Variants in KCNQ5 observed in about 807,000 individuals in gnomAD.
KCNQ5 encodes potassium voltage-gated channel subfamily KQT member 5.
Under a neutral mutation model 98.2 loss-of-function variants are expected in KCNQ5, and 30 were observed. The ratio of observed to expected loss-of-function variants is 0.31; its 90% confidence interval spans 0.23 to 0.41. KCNQ5 has a LOEUF of 0.41. Ranked by LOEUF, KCNQ5 falls within the 10% of genes least tolerant of loss-of-function variation. The pLI is 1.00. For missense variants in KCNQ5, 835 were observed against 1,182.5 expected, an observed-to-expected ratio of 0.71 and a Z score of 4.31; for synonymous variants, 458 against 449.4, an observed-to-expected ratio of 1.02 and a Z score of -0.24.
chr6:72,876,513 G>A (rs1373887750), intron 1 of KCNQ5, among the ~76,000 whole-genome samples: 1 of 152,076 alleles, frequency 6.6e-6, no homozygotes, highest in Non-Finnish European at 1.5e-5. Context: ...AGATTGCCTT[G>A]AGCATCTAAA....
chr6:72,999,396 T>C (rs1769457312), intron 1 of KCNQ5, among the ~76,000 whole-genome samples: 1 of 152,192 alleles, frequency 6.6e-6, no homozygotes, highest in Admixed American at 6.5e-5. Flanking sequence ...ATGAATTTCC[T>C]CAGAAACAAA....
chr6:72,879,487 G>A (rs1778556600), intron 1 of KCNQ5, among the ~76,000 whole-genome samples: 1 of 151,950 alleles, frequency 6.6e-6, no homozygotes, highest in South Asian at 2.1e-4. Flanking sequence ...TTTCCTAAAT[G>A]ATGTTTCATA....
chr6:72,763,236 C>A (rs59811652), intron 1 of KCNQ5, among the ~76,000 whole-genome samples: 107 of 151,922 alleles, frequency 7.0e-4, no homozygotes, highest in African/African-American at 2.5e-3. Context: ...TATTAACAAG[C>A]CTTACATTAA....
At chr6:72,640,548 T>C (rs1340206295) in intron 1 of KCNQ5, among the ~76,000 whole-genome samples, 3 of 152,168 alleles carry the variant, frequency 2.0e-5, no homozygotes, top group Non-Finnish European at 4.4e-5. Flanking sequence ...TGTGTACAAG[T>C]TCTGTGAGCT....
intron 1 of KCNQ5, among the ~76,000 whole-genome samples, chr6:72,727,172 T>C (rs1201886862): frequency 6.6e-6 from 1 of 152,232 alleles, no homozygotes; most frequent in Admixed American, 6.5e-5. Flanking sequence ...CACAGCAGGG[T>C]CTCAATATGA....
intron 5 of KCNQ5, among the ~76,000 whole-genome samples, chr6:73,079,687 C>T (rs751083781): frequency 2.0e-4 from 31 of 152,098 alleles, no homozygotes; most frequent in South Asian, 2.1e-4. Context: ...ATGTGGTTTC[C>T]GGCTGCTCTT....
chr6:72,768,709 A>G (rs975172963), intron 1 of KCNQ5, among the ~76,000 whole-genome samples: 1 of 152,046 alleles, frequency 6.6e-6, no homozygotes, highest in Non-Finnish European at 1.5e-5. Context: ...AATCTACTTC[A>G]TGAGAATTAA....
chr6:72,940,365 T>C (rs973174554), intron 1 of KCNQ5, among the ~76,000 whole-genome samples: 1 of 152,274 alleles, frequency 6.6e-6, no homozygotes, highest in South Asian at 2.1e-4. Flanking sequence ...TTTGCCTGGC[T>C]CTGATACTTG....
chr6:73,101,542 A>G (rs1019614274), intron 5 of KCNQ5, among the ~76,000 whole-genome samples: 3 of 152,214 alleles, frequency 2.0e-5, no homozygotes, highest in Admixed American at 1.3e-4. Flanking sequence ...GAACTGATAA[A>G]CAAATTCAGT....
intron 1 of KCNQ5, among the ~76,000 whole-genome samples, chr6:72,774,467 G>C (rs146231894): frequency 1.2e-3 from 181 of 152,136 alleles, no homozygotes; most frequent in African/African-American, 4.1e-3. Context: ...CAAAAAATAA[G>C]ATGTGCTATA....
chr6:73,114,111 A>T (rs1775382367), intron 7 of KCNQ5, among the ~76,000 whole-genome samples: 1 of 152,150 alleles, frequency 6.6e-6, no homozygotes, highest in Admixed American at 6.5e-5. Context: ...TAATATAATT[A>T]TTAATTTGTT....
intron 10 of KCNQ5, among the ~76,000 whole-genome samples, chr6:73,159,521 T>C (rs1301887093): frequency 6.6e-6 from 1 of 152,246 alleles, no homozygotes; most frequent in Non-Finnish European, 1.5e-5. Context: ...TTGCTGATTA[T>C]ACATTAAGTA....
chr6:72,821,623 TG>T (rs1437826308), intron 1 of KCNQ5, among the ~76,000 whole-genome samples: 1 of 151,888 alleles, frequency 6.6e-6, no homozygotes, highest in African/African-American at 2.4e-5. Context: ...TGTTTGGTTT[TG>T]TTTTTTTTTT....
intron 1 of KCNQ5, among the ~76,000 whole-genome samples, chr6:72,677,444 A>G (rs1190537428): frequency 7.9e-5 from 12 of 152,338 alleles, no homozygotes; most frequent in Admixed American, 7.2e-4. Flanking sequence ...TGGCCATACC[A>G]TGAACTTTTC....
chr6:72,764,874 T>C (rs1772484903), intron 1 of KCNQ5, among the ~76,000 whole-genome samples: 1 of 152,032 alleles, frequency 6.6e-6, no homozygotes, highest in African/African-American at 2.4e-5. Flanking sequence ...CATGCAATGT[T>C]TGTCTTTCTG....
chr6:73,197,643 C>G lies in KCNQ5; in HGVS notation c.*2229C>G, dbSNP rs1293816408. 7.7e-6 allele frequency: 1 copy of G among 129,126 alleles called. No homozygotes were observed. Among genetic ancestry groups the G allele is most frequent in the Non-Finnish European group, 1.7e-5 (1 of 60,072 alleles). 8.0% of individuals were successfully genotyped at this position (129,126 alleles called of 1,614,324 possible). On this transcript the variant is annotated 3_prime_UTR_variant, in exon 14 of 14. Coordinates refer to ENST00000370398, the MANE Select transcript of KCNQ5 (RefSeq NM_019842.4). ...CACACACACACACACACACACACAC[C>G]CCTCCACTGACCTAAAGCCAGACAC...
chr6:72,710,493 A>T lies in KCNQ5; in HGVS notation c.398+87906A>T, dbSNP rs543840835. On this transcript the variant is annotated intron_variant, in intron 1 of 13. Coordinates refer to ENST00000370398, the MANE Select transcript of KCNQ5 (RefSeq NM_019842.4). ...CTCAGACTGAAAGTGCAGGAATGGG[A>T]TAAATTATTACATGCCAATGGAAAT... 1.3e-3 allele frequency among the ~76,000 whole-genome samples: 201 copies of T among 152,354 alleles called. 1 individual carries two copies. In the Middle Eastern group the frequency reaches 0.014, roughly 10 times the overall value.
intron 1 of KCNQ5, among the ~76,000 whole-genome samples, chr6:72,773,096 G>C (rs893596040): frequency 6.6e-6 from 1 of 152,126 alleles, no homozygotes; most frequent in Non-Finnish European, 1.5e-5. Context: ...AATACCATTT[G>C]ACCCAGCAAT....
chr6:73,189,801 G>A (rs1271561383), intron 11 of KCNQ5, among the ~76,000 whole-genome samples: 3 of 152,160 alleles, frequency 2.0e-5, no homozygotes, highest in African/African-American at 7.2e-5. Context: ...AAAAGATGGG[G>A]CCCATGTTGC....
Sources: allele counts gnomAD v4.1 joint callset (sites outside exome capture counted in the v4.1 genomes callset), GRCh38; gene constraint gnomAD v4.1.1; transcripts MANE v1.5; gene names NCBI Gene and HGNC (gene_info 2026-07-23, HGNC 2026-07-21).